FBXL2: variants seen among roughly 807,000 people sequenced by gnomAD.
FBXL2 encodes the protein F-box and leucine rich repeat protein 2, also known as F-box/LRR-repeat protein 2.
A neutral mutation model predicts 69.2 loss-of-function variants in FBXL2; 38 were observed. That is an observed-to-expected ratio of 0.55 (90% confidence interval 0.42 to 0.72). The LOEUF (loss-of-function observed/expected upper bound fraction) is 0.72. Among genes scored for constraint, FBXL2 ranks in the 30% least tolerant of loss-of-function variants. The pLI is 0.00. For synonymous variants in FBXL2, 192 were observed against 201.3 expected (o/e 0.95, Z 0.39); for missense variants, 354 against 520.3 (o/e 0.68, Z 3.11).
chr3:33,370,229 A>T (rs1349237372), intron 5 of FBXL2, among the ~76,000 whole-genome samples: 1 of 151,952 alleles, frequency 6.6e-6, no homozygotes, highest in African/African-American at 2.4e-5. Flanking sequence ...CCTGGCTAAC[A>T]CAGTGAAATC....
downstream of FBXL2, among the ~76,000 whole-genome samples, chr3:33,404,953 AT>A (rs2044377725): frequency 6.6e-6 from 1 of 152,286 alleles, no homozygotes; most frequent in South Asian, 2.1e-4. Flanking sequence ...TAATATTTCT[AT>A]TTTTACATGT....
intron 1 of FBXL2, among the ~76,000 whole-genome samples, chr3:33,279,976 GTATCTT>G (rs2033793404): frequency 6.6e-6 from 1 of 152,118 alleles, no homozygotes; most frequent in Admixed American, 6.6e-5. Flanking sequence ...AATGTATAGT[GTATCTT>G]TATATGTTTC....
At chr3:33,410,361 T>A in the FBXL2 span, among the ~76,000 whole-genome samples, 2 of 152,212 alleles carry the variant, frequency 1.3e-5, no homozygotes, top group Non-Finnish European at 1.5e-5. Flanking sequence ...CAACACAACC[T>A]GATATGTAAA....
intron 2 of FBXL2, among the ~76,000 whole-genome samples, chr3:33,334,570 C>T (rs1332299353): frequency 3.3e-5 from 5 of 152,092 alleles, no homozygotes; most frequent in African/African-American, 1.2e-4. Flanking sequence ...AGAGGTCTAA[C>T]ATACATATAA....
the FBXL2 span, among the ~76,000 whole-genome samples, chr3:33,422,180 T>A: frequency 6.6e-6 from 1 of 152,112 alleles, no homozygotes; most frequent in Non-Finnish European, 1.5e-5. Context: ...GACAAAGAGG[T>A]AGGGTGAAAG....
intron 1 of FBXL2, 125 bp downstream of exon 1, chr3:33,277,640 T>A: frequency 9.8e-7 from 1 of 1,024,472 alleles, no homozygotes; most frequent in Non-Finnish European, 1.3e-6. Context: ...GGCCGCGGCC[T>A]GCGAGGCTGC....
chr3:33,357,598 C>T (rs11914679), intron 2 of FBXL2, among the ~76,000 whole-genome samples: 7 of 137,370 alleles, frequency 5.1e-5, no homozygotes, highest in Admixed American at 8.0e-5. Flanking sequence ...GGCGCTATCT[C>T]GGCTCACTGC....
intron 2 of FBXL2, among the ~76,000 whole-genome samples, chr3:33,341,703 G>A (rs953172841): frequency 2.6e-5 from 4 of 151,854 alleles, no homozygotes; most frequent in Admixed American, 1.3e-4. Context: ...GGTGGTGGGT[G>A]CCTGTAATTC....
intron 1 of FBXL2, among the ~76,000 whole-genome samples, chr3:33,295,607 A>G (rs112832560): frequency 2.2e-4 from 34 of 152,342 alleles, no homozygotes; most frequent in African/African-American, 7.7e-4. Flanking sequence ...TTGACTTACA[A>G]GTGGAGTTGC....
intron 1 of FBXL2, among the ~76,000 whole-genome samples, chr3:33,282,223 A>G (rs2034093975): frequency 6.6e-6 from 1 of 152,238 alleles, no homozygotes; most frequent in East Asian, 1.9e-4. Flanking sequence ...TAATTTTTGT[A>G]TAAGGTATAA....
At chr3:33,373,390 C>T (rs2042423619) in intron 7 of FBXL2, 35 bp downstream of exon 7, 6 of 1,559,488 alleles carry the variant, frequency 3.8e-6, no homozygotes, top group Admixed American at 1.7e-5. Context: ...AAGAGAAATA[C>T]CCAAAGCTAT....
chr3:33,282,607 G>A (rs954564362), intron 1 of FBXL2, among the ~76,000 whole-genome samples: 1 of 152,112 alleles, frequency 6.6e-6, no homozygotes, highest in Non-Finnish European at 1.5e-5. Flanking sequence ...GCTTGATGGG[G>A]ATGGCATTGA....
the FBXL2 span, among the ~76,000 whole-genome samples, chr3:33,422,696 G>T: frequency 6.9e-6 from 1 of 144,146 alleles, no homozygotes; most frequent in Non-Finnish European, 1.5e-5. Context: ...CTACACTCCA[G>T]TCTGGGTGAC....
At chr3:33,396,825 G>C (rs1419881943) in intron 12 of FBXL2, 1 of 673,310 alleles carries the variant, frequency 1.5e-6, no homozygotes, top group Admixed American at 2.0e-5. Flanking sequence ...ATTTCTACCA[G>C]TCTTACAGTC....
At chr3:33,342,251 C>T (rs2040086525) in intron 2 of FBXL2, among the ~76,000 whole-genome samples, 1 of 151,552 alleles carries the variant, frequency 6.6e-6, no homozygotes, top group Non-Finnish European at 1.5e-5. Flanking sequence ...GTGAGCCTCC[C>T]GCCTCAGCCT....
intron 2 of FBXL2, among the ~76,000 whole-genome samples, chr3:33,322,920 G>A (rs564852320): frequency 1.3e-5 from 2 of 152,048 alleles, no homozygotes; most frequent in South Asian, 2.1e-4. Context: ...TTTTGTTCTT[G>A]TGCCTCACAG....
At chr3:33,378,880 G>C in intron 13 of FBXL2, 139 bp downstream of exon 13, 1 of 1,472,990 alleles carries the variant, frequency 6.8e-7, no homozygotes, top group East Asian at 2.5e-5. Flanking sequence ...GGGCTAACTT[G>C]GGAGGCAAGG....
At chr3:33,279,490 C>G (rs1375786934) in intron 1 of FBXL2, among the ~76,000 whole-genome samples, 1 of 152,056 alleles carries the variant, frequency 6.6e-6, no homozygotes, top group Non-Finnish European at 1.5e-5. Flanking sequence ...AGGATGGTCT[C>G]CATCTCTTGA....
chr3:33,301,006 C>A (rs1299924031), intron 2 of FBXL2, among the ~76,000 whole-genome samples: 2 of 152,028 alleles, frequency 1.3e-5, no homozygotes, highest in Non-Finnish European at 2.9e-5. Context: ...CCCGGCCTTT[C>A]CTAGCTACCC....
Sources: gnomAD v4.1 joint callset for allele counts (sites outside exome capture counted in the v4.1 genomes callset) on GRCh38, gnomAD v4.1.1 for gene constraint, MANE v1.5 for transcripts, NCBI Gene and HGNC (gene_info 2026-07-23, HGNC 2026-07-21) for gene names.